The following GPS1 variants were observed in gnomAD, a reference collection of about 807,000 sequenced individuals.
GPS1 encodes the protein G protein pathway suppressor 1, also known as COP9 signalosome complex subunit 1.
GPS1 carries 11 observed loss-of-function variants against 60.0 expected under a neutral mutation model. The ratio of observed to expected loss-of-function variants is 0.18; its 90% CI spans 0.12 to 0.30. The LOEUF (loss-of-function observed/expected upper bound fraction) is 0.30, where lower values mean the gene tolerates loss of function less well. GPS1 is among the 10% of genes least tolerant of loss of function. The pLI is 1.00. For synonymous variants in GPS1, 343 were observed against 269.8 expected (o/e 1.27, Z -2.66); for missense variants, 543 against 669.2 (o/e 0.81, Z 2.08).
At chr17:82,054,189 G>A in intron 3 of GPS1, 140 bp downstream of exon 3, 1 of 979,216 alleles carries the variant, frequency 1.0e-6, no homozygotes, top group Non-Finnish European at 1.5e-6. Flanking sequence ...CTCTCTTTTG[G>A]CCAGCAGTGG....
intron 6 of GPS1, 29 bp downstream of exon 6, chr17:82,055,251 C>T (rs2032281404): frequency 6.5e-7 from 1 of 1,549,534 alleles, no homozygotes; most frequent in Middle Eastern, 1.7e-4. Context: ...CCCAGCTGAC[C>T]CCACGTTCCC....
chr17:82,056,988 A>G lies in GPS1; in HGVS notation c.1389+14A>G, dbSNP rs984146114. 5.0e-6 allele frequency: 8 copies of G among 1,612,122 alleles called. No homozygotes were observed. The Admixed American group carries it at 5.0e-5, about 10-fold the overall frequency. On this transcript the variant is annotated intron_variant, in intron 12 of 12. Coordinates refer to ENST00000578552, the MANE Select transcript of GPS1 (RefSeq NM_001321092.3). ...ATCCATGTCAAGGTGGGCTGGCTTG[A>G]GGGGGGGCAGGCGCACGGCGTGTGG...
In GPS1 at chr17:82,055,145, G is replaced by T. The variant is rs769157899; in HGVS notation, c.688-17G>T. The T allele has an allele frequency of 1.2e-5, 18 of 1,564,406 alleles. No homozygotes were observed. In the East Asian group the frequency reaches 3.8e-4, roughly 33 times the overall value. ...AATGTGGAGCATGGGCCTCACGCAT[G>T]TGGCTTCCTCCTACAGCAGCGAGGA... On this transcript the variant is annotated splice_polypyrimidine_tract_variant and intron_variant, in intron 5 of 12. Transcript: ENST00000578552.
rs369721297 is a variant in GPS1, at chr17:82,056,136, C to T, written c.929+41C>T. On this transcript the variant is annotated intron_variant, in intron 8 of 12. Coordinates refer to ENST00000578552, the MANE Select transcript of GPS1 (RefSeq NM_001321092.3). The stretch of plus-strand genomic sequence containing the variant: ...CTGCAGCCCTGAAGGCTGTCCCCGT[C>T]CCTCTCCGTGGCTGCTGCTTCGGCC... 2.6e-4 allele frequency: 390 copies of T among 1,518,612 alleles called. 1 individual carries two copies. The highest frequency in any genetic ancestry group is 5.7e-4 in the Admixed American group (34 of 59,644). The allele number at this position is 1,518,612 out of a possible 1,614,324, so 94.1% of individuals were successfully genotyped here.
intron 6 of GPS1, 114 bp downstream of exon 6, chr17:82,055,336 C>T (rs769435900): frequency 1.7e-5 from 19 of 1,101,956 alleles, no homozygotes; most frequent in East Asian, 1.0e-4. Context: ...CCTGGCAGGG[C>T]GCAGGATGTT....
At chr17:82,053,755 G>A in intron 2 of GPS1, 113 bp from the exon 3 acceptor site, 2 of 1,087,566 alleles carry the variant, frequency 1.8e-6, no homozygotes, top group Non-Finnish European at 1.3e-6. Flanking sequence ...CTGGTTATGG[G>A]CCCAGGGCGA....
intron 6 of GPS1, 53 bp downstream of exon 6, chr17:82,055,275 C>T (rs543932597): frequency 3.9e-5 from 60 of 1,524,300 alleles, no homozygotes; most frequent in Middle Eastern, 3.4e-4. Context: ...TTGCTAAGTC[C>T]TCCCAGCCCA....
chr17:82,052,686 A>C, intron 1 of GPS1: 1 of 570,926 alleles, frequency 1.8e-6, no homozygotes. Flanking sequence ...AGTGCCCGGC[A>C]TGGCGGCTTT....
chr17:82,056,593 A>G lies in GPS1; in HGVS notation c.1117-36A>G, dbSNP rs564091258. 16 of 1,612,414 alleles carry G rather than the reference A, an allele frequency of 9.9e-6. 1 individual carries two copies. In the South Asian group the frequency reaches 1.8e-4, roughly 18 times the overall value. On this transcript the variant is annotated intron_variant, in intron 10 of 12. Transcript: ENST00000578552. ...GCTGGCACACGGCAGGCGGGCATGC[A>G]GGGGGCTGTGGAGCTGACTTCCCTC...
At chr17:82,051,014 G>A (rs1367926803), upstream of GPS1, 2 of 1,403,482 alleles carry the variant, frequency 1.4e-6, no homozygotes, top group African/African-American at 2.9e-5. The surrounding 1 kb of genome is among the most constrained non-coding windows in gnomAD (Gnocchi z 4.1). Flanking sequence ...GCCCTGACCT[G>A]GCCTGGAAGG....
rs921319179 is a variant in GPS1, at chr17:82,056,102, G to A, written c.929+7G>A. On this transcript the variant is annotated splice_region_variant and intron_variant, in intron 8 of 12. Transcript: ENST00000578552. Reference sequence around the variant, plus strand: ...GCAATGTCATCTCCAGCAGGTAGGTGCCCCGGTCCTGCAGCCCTGAAGGCT... The same window carrying A: ...GCAATGTCATCTCCAGCAGGTAGGTACCCCGGTCCTGCAGCCCTGAAGGCT... The A allele has an allele frequency of 6.2e-7, 1 of 1,608,020 alleles. No individual in the cohort carries two copies. The highest frequency in any genetic ancestry group is 8.5e-7 in the Non-Finnish European group (1 of 1,176,524).
At chr17:82,051,798 G>A (rs1438461919), upstream of GPS1, 20 of 1,128,268 alleles carry the variant, frequency 1.8e-5, no homozygotes, top group South Asian at 4.3e-5. This position sits in a 1 kb window ranked among gnomAD's most constrained non-coding sequence, Gnocchi z 4.1. Context: ...GCTGCGAGCG[G>A]AGAACCTGGC....
chr17:82,053,810 C>T (rs753105890), intron 2 of GPS1, 58 bp from the exon 3 acceptor site: 6 of 1,528,926 alleles, frequency 3.9e-6, no homozygotes, highest in African/African-American at 2.7e-5. Flanking sequence ...ACCCTCAGGG[C>T]CTGGGGCCAG....
Position 82,053,860 on chromosome 17 carries a change from G to A in GPS1, c.127-8G>A. 2 of 1,602,210 alleles carry A rather than the reference G, an allele frequency of 1.2e-6. No homozygotes were observed. Among genetic ancestry groups the A allele is most frequent in the African/African-American group, 2.7e-5 (2 of 74,886 alleles). On this transcript the variant is annotated splice_region_variant and splice_polypyrimidine_tract_variant and intron_variant, in intron 2 of 12. Coordinates refer to ENST00000578552, the MANE Select transcript of GPS1 (RefSeq NM_001321092.3). ...TCCTGCCTGACTCTTGTCTGTGCCT[G>A]CTCCCAGGATCTGGAACAGTACGCG...
At chr17:82,053,697 T>G (rs2031718033) in intron 2 of GPS1, 171 bp from the exon 3 acceptor site, 1 of 681,652 alleles carries the variant, frequency 1.5e-6, no homozygotes, top group Admixed American at 3.1e-5. Flanking sequence ...CCCAGCGGTC[T>G]TCGTAGCTCC....
At chr17:82,052,084 C>T (rs1423129964) in intron 1 of GPS1, 120 bp downstream of exon 1, 64 of 843,774 alleles carry the variant, frequency 7.6e-5, no homozygotes, top group Non-Finnish European at 8.9e-5. Context: ...CGCTCCGTGC[C>T]GGGCCTCCGC....
rs535879725 is a variant in GPS1 at position 82,055,032 on chromosome 17, C to T, written c.687+57C>T. On this transcript the variant is annotated intron_variant, in intron 5 of 12. Coordinates refer to ENST00000578552, the MANE Select transcript of GPS1 (RefSeq NM_001321092.3). ...CAGGATTCCTGACCACTGCTGGCCC[C>T]TCCTGTCCTCCCCCACCTCATTCTC... 1.6e-4 allele frequency: 256 copies of T among 1,603,824 alleles called. No homozygotes were observed. The African/African-American group carries it at 3.0e-3, about 19-fold the overall frequency.
chr17:82,056,832 C>G lies in GPS1; in HGVS notation c.1255-8C>G, dbSNP rs774487664. 3.5e-5 allele frequency: 57 copies of G among 1,612,182 alleles called. No homozygotes were observed. In the Middle Eastern group the frequency reaches 4.9e-4, roughly 14 times the overall value. On this transcript the variant is annotated splice_region_variant and splice_polypyrimidine_tract_variant and intron_variant, in intron 11 of 12. Coordinates refer to ENST00000578552, the MANE Select transcript of GPS1 (RefSeq NM_001321092.3). ...AGCCTGGGCCCCGCTGAGCTTGTGC[C>G]TGCACAGATCCTATACGCCCGGGAC...
chr17:82,051,397 A>ACCCGC (rs2030555472), upstream of GPS1: 4 of 1,409,028 alleles, frequency 2.8e-6, no homozygotes, highest in South Asian at 6.8e-5. The surrounding 1 kb of genome is among the most constrained non-coding windows in gnomAD (Gnocchi z 4.1). Flanking sequence ...CCGGAGACCG[A>ACCCGC]CCCGCCCCGC....
Sources: allele counts gnomAD v4.1 joint callset, GRCh38; gene constraint gnomAD v4.1.1; non-coding constraint Gnocchi (gnomAD v3.1); transcripts MANE v1.5; gene names NCBI Gene and HGNC (gene_info 2026-07-23, HGNC 2026-07-21).